The following WRN variants were observed in gnomAD, a reference collection of about 807,000 sequenced individuals.
The protein encoded by WRN is bifunctional 3'-5' exonuclease/ATP-dependent helicase WRN.
WRN carries 149 observed loss-of-function variants against 180.7 expected under a neutral mutation model. The ratio of observed to expected loss-of-function variants is 0.82; its 90% CI spans 0.72 to 0.94. The LOEUF is 0.94. Ranked by LOEUF, WRN falls within the 40% of genes least tolerant of loss-of-function variation. The pLI is 0.00. For synonymous variants in WRN, 548 were observed against 568.9 expected, an observed-to-expected ratio of 0.96 and a Z score of 0.52; for missense variants, 1,661 against 1,700.1, an observed-to-expected ratio of 0.98 and a Z score of 0.40.
intron 34 of WRN, among the ~76,000 whole-genome samples, chr8:31,168,714 G>A (rs1803994679): frequency 6.6e-6 from 1 of 152,084 alleles, no homozygotes; most frequent in Non-Finnish European, 1.5e-5. Flanking sequence ...AGTGTTGGAG[G>A]CCTACTTTCA....
chr8:31,173,181 G>A lies in WRN; in HGVS notation c.*79G>A, dbSNP rs1471799914. On this transcript the variant is annotated 3_prime_UTR_variant, in exon 35 of 35. Transcript: ENST00000298139. Reference sequence around the variant, plus strand: ...ATATTTTATTTCTGAAGAGTAAGGAGTAGTATTTTGGCTTAAAAATCATTC... The same window carrying A: ...ATATTTTATTTCTGAAGAGTAAGGAATAGTATTTTGGCTTAAAAATCATTC... 15 of 1,358,190 alleles carry A rather than the reference G, an allele frequency of 1.1e-5. 1 individual carries two copies. Among genetic ancestry groups the A allele is most frequent in the South Asian group, 2.4e-5 (2 of 81,752 alleles). The allele number at this position is 1,358,190 out of a possible 1,614,324, so 84.1% of individuals were successfully genotyped here.
At chr8:31,091,719 C>A in intron 15 of WRN, 111 bp from the exon 16 acceptor site, 2 of 1,122,260 alleles carry the variant, frequency 1.8e-6, no homozygotes, top group Non-Finnish European at 2.6e-6. Context: ...AAGAAAATTG[C>A]AAAGAACAGG....
intron 33 of WRN, among the ~76,000 whole-genome samples, chr8:31,159,025 G>A (rs1049422710): frequency 6.6e-6 from 1 of 152,076 alleles, no homozygotes; most frequent in South Asian, 2.1e-4. Context: ...CAGGCCGGGC[G>A]TGGTGGCTTG....
At chr8:31,102,267 T>C (rs887418044) in intron 18 of WRN, among the ~76,000 whole-genome samples, 13 of 152,224 alleles carry the variant, frequency 8.5e-5, no homozygotes, top group African/African-American at 3.1e-4. Context: ...AAATATTATT[T>C]CAAGAATGTT....
At chr8:31,130,779 C>T (rs1802132147) in intron 23 of WRN, among the ~76,000 whole-genome samples, 1 of 152,080 alleles carries the variant, frequency 6.6e-6, no homozygotes, top group African/African-American at 2.4e-5. Flanking sequence ...TAAAATTGTC[C>T]TTGGTTTTAC....
intron 16 of WRN, among the ~76,000 whole-genome samples, chr8:31,092,453 G>A (rs188220664): frequency 8.8e-4 from 132 of 150,606 alleles, no homozygotes; most frequent in African/African-American, 3.1e-3. Flanking sequence ...GTGTGTGTGT[G>A]TGTGTGTATA....
intron 1 of WRN, 34 bp from the exon 2 acceptor site, chr8:31,058,338 G>A: frequency 1.1e-6 from 1 of 874,320 alleles, no homozygotes; most frequent in Non-Finnish European, 1.8e-6. Context: ...ATGTATGTTT[G>A]GTTTTCATTC....
intron 2 of WRN, 97 bp from the exon 3 acceptor site, chr8:31,059,056 A>G: frequency 1.1e-6 from 1 of 925,246 alleles, no homozygotes; most frequent in Non-Finnish European, 1.8e-6. Flanking sequence ...AAAACTTAGA[A>G]CTATAAATTG....
chr8:31,147,842 C>T (rs868705561), intron 30 of WRN, among the ~76,000 whole-genome samples: 1 of 151,972 alleles, frequency 6.6e-6, no homozygotes, highest in African/African-American at 2.4e-5. Context: ...AATTTTCTCT[C>T]CTCCAATATA....
chr8:31,091,066 C>T, intron 15 of WRN, 124 bp downstream of exon 15: 1 of 786,650 alleles, frequency 1.3e-6, no homozygotes, highest in South Asian at 1.4e-5. Flanking sequence ...ATTGCTTTAT[C>T]TTTATTGGTA....
chr8:31,081,638 CG>C (rs1156380372), intron 9 of WRN, among the ~76,000 whole-genome samples: 1 of 152,084 alleles, frequency 6.6e-6, no homozygotes, highest in Non-Finnish European at 1.5e-5. Context: ...TTTATAATTT[CG>C]TATGCTTTTT....
At chr8:31,055,434 C>T (rs186104334) in intron 1 of WRN, among the ~76,000 whole-genome samples, 2 of 152,236 alleles carry the variant, frequency 1.3e-5, no homozygotes, top group East Asian at 3.9e-4. Flanking sequence ...TTAATAAACG[C>T]CATTCTGACT....
At position 31,033,909 on chromosome 8, in the gene WRN, C is replaced by G. The variant is rs1191072248; in HGVS notation, c.-141C>G. On this transcript the variant is annotated 5_prime_UTR_variant, in exon 1 of 35. Coordinates refer to ENST00000298139, the MANE Select transcript of WRN (RefSeq NM_000553.6). ...AGCCTGGATGCCTGGGTTGCAGGCC[C>G]TGCTTGTGGTGGCGCTCCACAGTCA... The G allele has an allele frequency of 1.3e-5, 2 of 152,448 alleles. No individual in the cohort carries two copies. Among genetic ancestry groups the G allele is most frequent in the Middle Eastern group, 3.4e-3 (1 of 298 alleles). 9.4% of individuals were successfully genotyped at this position (152,448 alleles called of 1,614,324 possible). A position where few individuals can be genotyped will look rare whatever the true frequency, so the allele number is the denominator to read the frequency against.
At position 31,174,703 on chromosome 8, in the gene WRN, C is replaced by CTCCTTCT. The variant is rs909586162; in HGVS notation, c.*1615_*1621dup. 5.3e-5 allele frequency among the ~76,000 whole-genome samples: 8 copies of CTCCTTCT among 151,772 alleles called. No individual in the cohort carries two copies. Among genetic ancestry groups the CTCCTTCT allele is most frequent in the African/African-American group, 1.2e-4 (5 of 41,340 alleles). On this transcript the variant is annotated 3_prime_UTR_variant, in exon 35 of 35. Coordinates refer to ENST00000298139, the MANE Select transcript of WRN (RefSeq NM_000553.6). ...AATTCTTCTTCTGATTCTTCTTCTT[C>CTCCTTCT]TCCTTCTTCCTTCTTCCTTCCTTCC... is the stretch of plus-strand genomic sequence containing the variant.
chr8:31,127,779 C>A (rs1018014846), intron 23 of WRN, among the ~76,000 whole-genome samples: 1 of 151,894 alleles, frequency 6.6e-6, no homozygotes, highest in Non-Finnish European at 1.5e-5. Flanking sequence ...AAAAAATTAG[C>A]TAGGCATAGC....
At position 31,120,563 on chromosome 8, in the gene WRN, T is replaced by C. The variant is rs11574314; in HGVS notation, c.2630+139T>C. On this transcript the variant is annotated intron_variant, in intron 21 of 34. Transcript: ENST00000298139. ...AAGTAAAAAAAAAAAAAAAGAAAAATAAAACCTCCCCAAATCCAGAGGACA... is the reference window on the plus strand; with the variant it reads ...AAGTAAAAAAAAAAAAAAAGAAAAACAAAACCTCCCCAAATCCAGAGGACA... The C allele has an allele frequency of 1.3e-5, 11 of 845,518 alleles. 1 individual carries two copies. The highest frequency in any genetic ancestry group is 1.9e-5 in the Non-Finnish European group (11 of 574,474). 52.4% of individuals were successfully genotyped at this position (845,518 alleles called of 1,614,324 possible). A position where few individuals can be genotyped will look rare whatever the true frequency, so the allele number is the denominator to read the frequency against.
At chr8:31,095,560 A>G (rs2130196026) in intron 16 of WRN, among the ~76,000 whole-genome samples, 1 of 152,330 alleles carries the variant, frequency 6.6e-6, no homozygotes, top group South Asian at 2.1e-4. Context: ...CATTTTTAGT[A>G]AATGTTGTCT....
rs752650803 is a variant in WRN at position 31,100,855 on chromosome 8, C to T, written c.1988C>T (p.Thr663Met). 23 of 1,613,462 alleles carry T rather than the reference C, an allele frequency of 1.4e-5. No homozygotes were observed. Among genetic ancestry groups the T allele is most frequent in the Middle Eastern group, 1.7e-4 (1 of 6,056 alleles). ...LQQLEADIGI[T>M]LIAVDEAHCI... ...TGTTTTTCTTTTTTTACAGGTATCA[C>T]GCTCATTGCTGTGGATGAGGCTCAC... Residue 663 changes from threonine (T) to methionine (M), a missense_variant, in exon 18 of 35, where the codon ACG becomes ATG. Around this residue, in one of 3 missense-constraint regions of WRN, gnomAD observed 1,141 missense variants for 1,149.4 expected, o/e 0.99. Coordinates refer to ENST00000298139, the MANE Select transcript of WRN (RefSeq NM_000553.6).
At chr8:31,100,718 A>C in intron 17 of WRN, 131 bp from the exon 18 acceptor site, 1 of 733,866 alleles carries the variant, frequency 1.4e-6, no homozygotes, top group Admixed American at 2.3e-5. Context: ...ATATGATGAT[A>C]TTTATGCTTC....
Sources: gnomAD v4.1 joint callset for allele counts (sites outside exome capture counted in the v4.1 genomes callset) on GRCh38, gnomAD v4.1.1 for gene constraint, gnomAD v4.1.1 regional missense constraint, MANE v1.5 for transcripts, NCBI Gene and HGNC (gene_info 2026-07-23, HGNC 2026-07-21) for gene names.